MAGED1: variants seen among roughly 807,000 people sequenced by gnomAD.
MAGED1 encodes melanoma-associated antigen D1.
In MAGED1, 3 loss-of-function variants were observed where a neutral mutation model predicts 54.1. That is an observed-to-expected ratio of 0.06 (90% CI 0.03 to 0.14). The LOEUF is 0.14. Among genes scored for constraint, MAGED1 ranks in the 10% least tolerant of loss-of-function variants. The pLI is 1.00. For missense variants in MAGED1, 485 were observed against 623.4 expected (o/e 0.78, Z 2.36); for synonymous variants, 217 against 227.3 (o/e 0.95, Z 0.41).
At chrX:51,883,812 T>C (rs1230547302) in intron 1 of MAGED1, among the ~76,000 whole-genome samples, 1 of 111,348 alleles carries the variant, frequency 9.0e-6, no homozygotes, top group Non-Finnish European at 1.9e-5. Context: ...GAAAAATTAA[T>C]AGGAAATTTT....
intron 1 of MAGED1, among the ~76,000 whole-genome samples, chrX:51,823,596 A>G (rs781960634): frequency 2.7e-5 from 3 of 111,623 alleles, no homozygotes; most frequent in Admixed American, 9.5e-5. Context: ...CTCTCTCTTT[A>G]TTGGAGAGTT....
At chrX:51,890,416 G>A (rs1482138760), upstream of MAGED1, among the ~76,000 whole-genome samples, 1 of 111,554 alleles carries the variant, frequency 9.0e-6, no homozygotes, top group South Asian at 3.7e-4. Context: ...TGAGTTCTCC[G>A]AATCCTTCTA....
At position 51,869,204 on chromosome X, in the gene MAGED1, G is replaced by A. The variant is rs1927563998; in HGVS notation, c.-36-25065G>A. Among the ~76,000 whole-genome samples the A allele has an allele frequency of 3.6e-5, 4 of 111,350 alleles. No individual in the cohort carries two copies. In the South Asian group the frequency reaches 1.5e-3, roughly 43 times the overall value. On this transcript the variant is annotated intron_variant, in intron 1 of 12. Transcript: ENST00000375772. ...GACACTGCGTAATGGTGTAGTGTAG[G>A]GATTGAGTAATTGGGGTGTGACTAT...
At chrX:51,854,856 ATCT>A (rs1927030576) in intron 1 of MAGED1, among the ~76,000 whole-genome samples, 1 of 111,241 alleles carries the variant, frequency 9.0e-6, no homozygotes, top group Non-Finnish European at 1.9e-5. Context: ...CTGTTGCATC[ATCT>A]TCTTCAGTCT....
At chrX:51,900,155 G>A (rs201688730) in intron 10 of MAGED1, 27 bp from the exon 11 acceptor site, 4 of 987,674 alleles carry the variant, frequency 4.0e-6, no homozygotes, top group Non-Finnish European at 5.8e-6. Context: ...TGGGTAGGTA[G>A]ACACAAAGAC....
At chrX:51,871,353 A>G (rs1333202108) in intron 1 of MAGED1, among the ~76,000 whole-genome samples, 1 of 108,113 alleles carries the variant, frequency 9.2e-6, no homozygotes, top group Non-Finnish European at 1.9e-5. Context: ...TACATGTGCC[A>G]TGTTGGTGTG....
intron 1 of MAGED1, among the ~76,000 whole-genome samples, chrX:51,879,388 T>C (rs1557362296): frequency 2.7e-5 from 3 of 111,862 alleles, no homozygotes; most frequent in Non-Finnish European, 5.6e-5. Flanking sequence ...TCTTTATTTC[T>C]CCTTTACTTT....
rs200370963 is a variant in MAGED1, at chrX:51,887,857, A to C, written c.-36-6412A>C. Among the ~76,000 whole-genome samples, 10 of 111,105 alleles carry C rather than the reference A, an allele frequency of 9.0e-5. No homozygotes were observed. The East Asian group carries it at 1.7e-3, about 19-fold the overall frequency. On this transcript the variant is annotated intron_variant, in intron 1 of 12. Transcript: ENST00000375772. ...ACAATCCATAAAAGGAAAAAAAAAA[A>C]CCAATAAATTGAATTTCTTCAAAAT...
intron 1 of MAGED1, among the ~76,000 whole-genome samples, chrX:51,815,581 G>A (rs902119042): frequency 9.2e-6 from 1 of 108,373 alleles, no homozygotes; most frequent in Admixed American, 9.8e-5. Flanking sequence ...GGAGTGCAAC[G>A]GTGCAATCTC....
At chrX:51,820,167 G>A (rs1177420490) in intron 1 of MAGED1, among the ~76,000 whole-genome samples, 1 of 111,874 alleles carries the variant, frequency 8.9e-6, no homozygotes, top group Non-Finnish European at 1.9e-5. Context: ...TAGAATCTTA[G>A]TAACTGAAGC....
chrX:51,819,058 AATGTATATTTGATTAAATGAAC>A (rs2146955378), intron 1 of MAGED1, among the ~76,000 whole-genome samples: 2 of 112,231 alleles, frequency 1.8e-5, no homozygotes, highest in South Asian at 7.6e-4. Context: ...TCATTAAACA[AATGTATATTTGATTAAATGAAC>A]ATGGCACATT....
chrX:51,893,295 G>A (rs1224674904), upstream of MAGED1, among the ~76,000 whole-genome samples: 1 of 109,267 alleles, frequency 9.2e-6, no homozygotes, highest in Non-Finnish European at 1.9e-5. Context: ...TTGAATAGGG[G>A]AGGGACGGAA....
intron 1 of MAGED1, among the ~76,000 whole-genome samples, chrX:51,885,142 C>G (rs1340269118): frequency 2.7e-5 from 3 of 111,594 alleles, no homozygotes; most frequent in Non-Finnish European, 5.7e-5. Flanking sequence ...TTTGAGGAAC[C>G]TCTATACTGT....
intron 1 of MAGED1, among the ~76,000 whole-genome samples, chrX:51,872,791 G>C: frequency 8.9e-6 from 1 of 112,219 alleles, no homozygotes; most frequent in African/African-American, 3.2e-5. Context: ...TACCATGACA[G>C]TTTACAAATG....
At chrX:51,813,238 G>T (rs1258463871) in intron 1 of MAGED1, among the ~76,000 whole-genome samples, 2 of 109,427 alleles carry the variant, frequency 1.8e-5, no homozygotes, top group African/African-American at 6.7e-5. Context: ...GGTCAGGCTG[G>T]TCTCGAACTT....
At chrX:51,859,325 A>G (rs1927193747) in intron 1 of MAGED1, among the ~76,000 whole-genome samples, 1 of 111,438 alleles carries the variant, frequency 9.0e-6, no homozygotes, top group Non-Finnish European at 1.9e-5. Flanking sequence ...TGGGGAATGA[A>G]TGTGTTACAC....
intron 1 of MAGED1, among the ~76,000 whole-genome samples, chrX:51,839,434 A>C (rs782088240): frequency 8.9e-6 from 1 of 112,018 alleles, no homozygotes; most frequent in African/African-American, 3.2e-5. Flanking sequence ...CTGCATGAGC[A>C]GCTTCAGATC....
chrX:51,891,935 A>C (rs1477832828), upstream of MAGED1, among the ~76,000 whole-genome samples: 4 of 112,206 alleles, frequency 3.6e-5, no homozygotes, highest in Non-Finnish European at 5.6e-5. Context: ...GGAAGTGCTG[A>C]GGAAAAACAG....
chrX:51,806,479 G>A (rs1394821703), intron 1 of MAGED1, among the ~76,000 whole-genome samples: 1 of 112,064 alleles, frequency 8.9e-6, no homozygotes, highest in Non-Finnish European at 1.9e-5. Context: ...TTGAGGATTT[G>A]TTTTTGAGAT....
Sources: gnomAD v4.1 joint callset for allele counts (sites outside exome capture counted in the v4.1 genomes callset) on GRCh38, gnomAD v4.1.1 for gene constraint, MANE v1.5 for transcripts, NCBI Gene and HGNC (gene_info 2026-07-23, HGNC 2026-07-21) for gene names.